The following HCN2 variants were observed in gnomAD, a reference collection of about 807,000 sequenced individuals.
HCN2 encodes the protein hyperpolarization activated cyclic nucleotide gated potassium and sodium channel 2, also known as potassium/sodium hyperpolarization-activated cyclic nucleotide-gated channel 2.
HCN2 carries 20 observed loss-of-function variants against 52.3 expected under a neutral mutation model. The ratio of observed to expected loss-of-function variants is 0.38; its 90% CI spans 0.27 to 0.56. The LOEUF (loss-of-function observed/expected upper bound fraction) is 0.56. Ranked by LOEUF, HCN2 falls within the 20% of genes least tolerant of loss-of-function variation. The pLI, the probability that HCN2 is intolerant of heterozygous loss-of-function variation, is 0.71. For synonymous variants in HCN2, 694 were observed against 537.0 expected, an observed-to-expected ratio of 1.29 and a Z score of -4.04; for missense variants, 981 against 1,207.7, an observed-to-expected ratio of 0.81 and a Z score of 2.78.
intron 1 of HCN2, among the ~76,000 whole-genome samples, chr19:595,076 C>A (rs1175631501): frequency 2.6e-5 from 4 of 152,128 alleles, no homozygotes; most frequent in African/African-American, 9.7e-5. Flanking sequence ...GTGGCGTGCA[C>A]CTGTAGTCCC....
chr19:612,508 C>T (rs1461347674), intron 5 of HCN2, among the ~76,000 whole-genome samples: 4 of 151,784 alleles, frequency 2.6e-5, no homozygotes, highest in Non-Finnish European at 2.9e-5. Flanking sequence ...CTCCTCCTCC[C>T]GGGTTCAAGA....
Position 613,345 on chromosome 19 carries a change from A to G in HCN2, c.1682A>G (p.Lys561Arg), listed in dbSNP as rs1207402097. Residue 561 changes from lysine to arginine, a missense_variant, in exon 6 of 8, where the codon AAG (lysine) becomes AGG (arginine). Lys to Arg is a conservative substitution (Grantham distance 26, BLOSUM62 2). This residue lies in a region of HCN2 where 282 missense variants were observed against 553.8 expected (regional missense o/e 0.51). Transcript: ENST00000251287. ...GTCACGGCCATGCTGACCAAGCTCA[A>G]GTTCGAGGTCTTCCAGCCGGGTGAC... ...NFVTAMLTKL[K>R]FEVFQPGDYI... The G allele has an allele frequency of 1.9e-6, 3 of 1,613,006 alleles. No individual in the cohort carries two copies. Among genetic ancestry groups the G allele is most frequent in the Non-Finnish European group, 2.5e-6 (3 of 1,179,896 alleles).
chr19:609,072 C>T (rs1285125888), intron 4 of HCN2, among the ~76,000 whole-genome samples: 4 of 152,210 alleles, frequency 2.6e-5, no homozygotes, highest in Non-Finnish European at 4.4e-5. Context: ...CTCTCCCGCG[C>T]CCCGAGCAGT....
At chr19:615,529 C>T (rs1462871518) in intron 7 of HCN2, among the ~76,000 whole-genome samples, 6 of 152,272 alleles carry the variant, frequency 3.9e-5, no homozygotes, top group Admixed American at 1.3e-4. Context: ...CAAAGCAAAA[C>T]AAAAGCCCTG....
chr19:612,446 C>T (rs538779375), intron 5 of HCN2, among the ~76,000 whole-genome samples: 7 of 109,224 alleles, frequency 6.4e-5, no homozygotes, highest in African/African-American at 1.2e-4. Flanking sequence ...GATGGAGTCT[C>T]GCTCTGTCAC....
chr19:611,661 A>G (rs995594180), intron 5 of HCN2, among the ~76,000 whole-genome samples: 1 of 152,236 alleles, frequency 6.6e-6, no homozygotes, highest in African/African-American at 2.4e-5. Flanking sequence ...CACAAAATGC[A>G]TAAAATGCGG....
chr19:616,205 G>A lies in HCN2; in HGVS notation c.2401G>A (p.Ala801Thr), dbSNP rs1983910840. Reference protein sequence around the residue: ...RTSPYGGLPAAPLAGPALPAR... With the variant: ...RTSPYGGLPATPLAGPALPAR... ...CTCGCCCTACGGCGGCCTGCCCGCC[G>A]CCCCCCTTGCTGGGCCCGCCCTGCC... The change falls in exon 8 of 8, where the codon GCC (alanine) becomes ACC (threonine). Residue 801 changes from alanine (A) to threonine (T), a missense_variant. This residue lies in a region of HCN2 where 368 missense variants were observed against 314.8 expected (regional missense o/e 1.17). Transcript: ENST00000251287. 3.1e-6 allele frequency: 3 copies of A among 973,516 alleles called. 1 individual carries two copies. Among genetic ancestry groups the A allele is most frequent in the Middle Eastern group, 1.0e-3 (2 of 1,936 alleles). 60.3% of individuals were successfully genotyped at this position (973,516 alleles called of 1,614,324 possible).
At position 616,378 on chromosome 19, in the gene HCN2, G is replaced by A. The variant is rs922134842; in HGVS notation, c.2574G>A (p.Ala858=). 20 of 1,232,752 alleles carry A rather than the reference G, an allele frequency of 1.6e-5. No individual in the cohort carries two copies. In the African/African-American group the frequency reaches 2.1e-4, roughly 13 times the overall value. The allele number at this position is 1,232,752 out of a possible 1,614,324, so 76.4% of individuals were successfully genotyped here. A position where few individuals can be genotyped will look rare whatever the true frequency, so the allele number is the denominator to read the frequency against. The change falls in exon 8 of 8, where the codon GCG becomes GCA. Residue 858 remains alanine, a synonymous_variant. Coordinates refer to ENST00000251287, the MANE Select transcript of HCN2 (RefSeq NM_001194.4). ...CCACGCCCGCTGCCCGGGCCGCCGC[G>A]CCCAGCCCGGACCGCAGGGACTCGG... ...LGPTPAARAA[A]PSPDRRDSAS...
intron 4 of HCN2, among the ~76,000 whole-genome samples, chr19:609,079 C>T (rs920390564): frequency 1.3e-5 from 2 of 152,202 alleles, no homozygotes; most frequent in African/African-American, 4.8e-5. Context: ...GCGCCCCGAG[C>T]AGTGGCTGGC....
At position 613,832 on chromosome 19, in the gene HCN2, C is replaced by T. The variant is rs56165058; in HGVS notation, c.1826-20C>T. On this transcript the variant is annotated intron_variant, in intron 6 of 7. Transcript: ENST00000251287. ...GGCGCCCGCCTCGTCCAGCAACCCC[C>T]CCCTGCGCGCCACGTGCAGAGATCT... 1.3e-5 allele frequency: 20 copies of T among 1,529,934 alleles called. No homozygotes were observed. The highest frequency in any genetic ancestry group is 5.0e-5 in the East Asian group (2 of 40,208). 94.8% of individuals were successfully genotyped at this position (1,529,934 alleles called of 1,614,324 possible). A position where few individuals can be genotyped will look rare whatever the true frequency, so the allele number is the denominator to read the frequency against.
Position 616,300 on chromosome 19 carries a change from C to A in HCN2, c.2496C>A (p.Pro832=). The change falls in exon 8 of 8, where the codon CCC becomes CCA. Residue 832 remains proline (P), a synonymous_variant. Transcript: ENST00000251287. ...AGCCCTCGCTGCCTCACGGCGCCCC[C>A]GGCCCCGCGGCCTCCACACGCCCGG... is the stretch of plus-strand genomic sequence containing the variant. ...ASQPSLPHGA[P]GPAASTRPAS... 2 of 1,097,068 alleles carry A rather than the reference C, an allele frequency of 1.8e-6. No homozygotes were observed. Among genetic ancestry groups the A allele is most frequent in the Non-Finnish European group, 1.1e-6 (1 of 900,206 alleles). 68.0% of individuals were successfully genotyped at this position (1,097,068 alleles called of 1,614,324 possible).
chr19:593,496 T>A (rs1178415661), intron 1 of HCN2, among the ~76,000 whole-genome samples: 1 of 152,186 alleles, frequency 6.6e-6, no homozygotes, highest in African/African-American at 2.4e-5. Context: ...GACGAGCGCC[T>A]GTAATCCCAG....
intron 4 of HCN2, 38 bp from the exon 5 acceptor site, chr19:610,221 G>T: frequency 6.2e-7 from 1 of 1,603,804 alleles, no homozygotes. Context: ...CTGCAGGCCG[G>T]GGGCGGTGTC....
chr19:603,898 C>G lies in HCN2; in HGVS notation c.987C>G (p.Thr329=), dbSNP rs777183942. Residue 329 remains threonine, a synonymous_variant, in exon 2 of 8, where the codon ACC becomes ACG. Coordinates refer to ENST00000251287, the MANE Select transcript of HCN2 (RefSeq NM_001194.4). ...TARALRIVRF[T]KILSLLRLLR... is the part of the protein sequence containing the mutation. ...GCGCCCTGCGCATCGTGCGCTTCAC[C>G]AAGATCCTCAGCCTCCTGCGGCTGC... is the stretch of plus-strand genomic sequence containing the variant. 63 of 1,611,974 alleles carry G rather than the reference C, an allele frequency of 3.9e-5. No individual in the cohort carries two copies. In the East Asian group the frequency reaches 1.3e-3, roughly 33 times the overall value.
In HCN2 at chr19:615,789, C is replaced by T; in HGVS notation, c.1991-6C>T. The T allele has an allele frequency of 2.5e-6, 4 of 1,611,038 alleles. No homozygotes were observed. Among genetic ancestry groups the T allele is most frequent in the Non-Finnish European group, 3.4e-6 (4 of 1,179,408 alleles). On this transcript the variant is annotated splice_polypyrimidine_tract_variant and splice_region_variant and intron_variant, in intron 7 of 7. Coordinates refer to ENST00000251287, the MANE Select transcript of HCN2 (RefSeq NM_001194.4). ...TGTGCACACGCTAACGCCCCCTCTCCCGCAGGCAAGAAGAATTCCATCCTC... is the reference window on the plus strand; with the variant it reads ...TGTGCACACGCTAACGCCCCCTCTCTCGCAGGCAAGAAGAATTCCATCCTC...
rs1473373658 is a variant in HCN2, at chr19:615,894, A to C, written c.2090A>C (p.Tyr697Ser). The C allele has an allele frequency of 6.2e-7, 1 of 1,612,642 alleles. No homozygotes were observed. Among genetic ancestry groups the C allele is most frequent in the Non-Finnish European group, 8.5e-7 (1 of 1,179,842 alleles). ...GCCATCATCCAGGAGATCGTCAAGT[A>C]CGACCGCGAGATGGTGCAGCAGGCC... is the stretch of plus-strand genomic sequence containing the variant. ...ENAIIQEIVK[Y>S]DREMVQQAEL... Residue 697 changes from tyrosine (Y) to serine (S), a missense_variant, in exon 8 of 8, where the codon TAC (tyrosine) becomes TCC (serine). Tyr to Ser is a moderately radical substitution (Grantham distance 144). Coordinates refer to ENST00000251287, the MANE Select transcript of HCN2 (RefSeq NM_001194.4).
At chr19:611,878 G>A (rs1329552794) in intron 5 of HCN2, among the ~76,000 whole-genome samples, 2 of 152,198 alleles carry the variant, frequency 1.3e-5, no homozygotes, top group African/African-American at 4.8e-5. Flanking sequence ...AGGCGTGGTG[G>A]CTCACGCCTG....
chr19:615,022 G>A (rs1342076029), intron 7 of HCN2, among the ~76,000 whole-genome samples: 8 of 152,144 alleles, frequency 5.3e-5, no homozygotes, highest in African/African-American at 9.7e-5. Context: ...TATGCAACCC[G>A]TTCCTGAGTA....
intron 1 of HCN2, among the ~76,000 whole-genome samples, chr19:596,032 G>C (rs1983020414): frequency 6.6e-6 from 1 of 152,228 alleles, no homozygotes; most frequent in Non-Finnish European, 1.5e-5. Flanking sequence ...GGGATCCAAG[G>C]GGCTGAGGGT....
Sources: gnomAD v4.1 joint callset for allele counts (sites outside exome capture counted in the v4.1 genomes callset) on GRCh38, gnomAD v4.1.1 for gene constraint, gnomAD v4.1.1 regional missense constraint, MANE v1.5 for transcripts, NCBI Gene and HGNC (gene_info 2026-07-23, HGNC 2026-07-21) for gene names.